IL1RAPL2: variants seen among roughly 807,000 people sequenced by gnomAD.
IL1RAPL2 encodes the protein X-linked interleukin-1 receptor accessory protein-like 2.
A neutral mutation model predicts 44.1 loss-of-function variants in IL1RAPL2; 3 were observed. That is an observed-to-expected ratio of 0.07 (90% CI 0.03 to 0.18). The LOEUF is 0.18. Among genes scored for constraint, IL1RAPL2 ranks in the 10% least tolerant of loss-of-function variants. The pLI is 1.00. For synonymous variants in IL1RAPL2, 181 were observed against 178.8 expected (o/e 1.01, Z -0.10); for missense variants, 391 against 496.4 (o/e 0.79, Z 2.02).
chrX:105,246,296 G>A (rs2034218594), intron 4 of IL1RAPL2, among the ~76,000 whole-genome samples: 2 of 112,110 alleles, frequency 1.8e-5, no homozygotes, highest in Non-Finnish European at 3.8e-5. Flanking sequence ...TATTTTCATG[G>A]TACATAATAG....
At chrX:105,425,793 A>T (rs2147748050) in intron 5 of IL1RAPL2, among the ~76,000 whole-genome samples, 1 of 108,363 alleles carries the variant, frequency 9.2e-6, no homozygotes, top group Admixed American at 9.8e-5. Context: ...TGACACCAAC[A>T]ATTTTCCAGA....
intron 2 of IL1RAPL2, among the ~76,000 whole-genome samples, chrX:104,946,609 C>T (rs1442835316): frequency 4.8e-5 from 4 of 83,247 alleles, no homozygotes; most frequent in Non-Finnish European, 9.0e-5. Flanking sequence ...TGGTCCCCTT[C>T]CTGTGTCCAT....
chrX:105,515,546 T>C (rs988046918), intron 6 of IL1RAPL2, among the ~76,000 whole-genome samples: 1 of 111,259 alleles, frequency 9.0e-6, no homozygotes, highest in Non-Finnish European at 1.9e-5. Flanking sequence ...AGGTCAGGGA[T>C]TGGCAACATA....
At chrX:104,603,655 C>T (rs1928934623) in intron 1 of IL1RAPL2, among the ~76,000 whole-genome samples, 1 of 111,510 alleles carries the variant, frequency 9.0e-6, no homozygotes, top group South Asian at 3.8e-4. Context: ...CTTCGTGAAA[C>T]ATACACAAGC....
intron 6 of IL1RAPL2, among the ~76,000 whole-genome samples, chrX:105,640,810 C>T (rs1029580296): frequency 2.4e-4 from 24 of 100,341 alleles, no homozygotes; most frequent in Non-Finnish European, 4.0e-4. Flanking sequence ...AGAGAGAGAC[C>T]GAGAGAGAGT....
At chrX:104,799,175 A>C (rs1402483957) in intron 2 of IL1RAPL2, among the ~76,000 whole-genome samples, 4 of 110,871 alleles carry the variant, frequency 3.6e-5, no homozygotes, top group African/African-American at 1.3e-4. Context: ...ACCCAGGTCT[A>C]TATGACCTGG....
chrX:104,727,067 C>T (rs1248102600), intron 2 of IL1RAPL2, among the ~76,000 whole-genome samples: 1 of 109,680 alleles, frequency 9.1e-6, no homozygotes, highest in Non-Finnish European at 1.9e-5. Context: ...TGACTAAGAC[C>T]TCAAAAGTAA....
At chrX:105,584,942 T>A in intron 6 of IL1RAPL2, among the ~76,000 whole-genome samples, 1 of 111,290 alleles carries the variant, frequency 9.0e-6, no homozygotes, top group Non-Finnish European at 1.9e-5. Flanking sequence ...TTTACCTTTT[T>A]CAGTCTTTCG....
intron 2 of IL1RAPL2, among the ~76,000 whole-genome samples, chrX:105,108,196 G>T (rs777720050): frequency 8.9e-6 from 1 of 111,893 alleles, no homozygotes; most frequent in East Asian, 2.8e-4. Flanking sequence ...ACATCCTACA[G>T]GTATGTTAAA....
At chrX:104,618,285 T>C (rs750310821) in intron 1 of IL1RAPL2, among the ~76,000 whole-genome samples, 1 of 112,097 alleles carries the variant, frequency 8.9e-6, no homozygotes, top group Non-Finnish European at 1.9e-5. Flanking sequence ...AGGCAATGGG[T>C]TGACTCATGG....
chrX:104,982,934 A>C (rs780221602), intron 2 of IL1RAPL2, among the ~76,000 whole-genome samples: 1 of 110,840 alleles, frequency 9.0e-6, no homozygotes, highest in African/African-American at 3.3e-5. Context: ...TTTTTATTTT[A>C]CATGTGATGC....
At chrX:105,354,628 G>A (rs1053233316) in intron 5 of IL1RAPL2, among the ~76,000 whole-genome samples, 1 of 109,223 alleles carries the variant, frequency 9.2e-6, no homozygotes. Flanking sequence ...TTGTGCACAT[G>A]TACCCTAAAA....
At chrX:105,542,640 C>T (rs1243321160) in intron 6 of IL1RAPL2, among the ~76,000 whole-genome samples, 1 of 108,762 alleles carries the variant, frequency 9.2e-6, no homozygotes, top group Admixed American at 9.8e-5. Flanking sequence ...TCATTTAATC[C>T]TCACAACAAT....
chrX:105,551,052 A>G (rs2036849670), intron 6 of IL1RAPL2, among the ~76,000 whole-genome samples: 1 of 111,148 alleles, frequency 9.0e-6, no homozygotes, highest in Non-Finnish European at 1.9e-5. Flanking sequence ...ATTAAGTGGC[A>G]TGCTGTCCAG....
intron 1 of IL1RAPL2, among the ~76,000 whole-genome samples, chrX:104,629,280 G>A (rs142363266): frequency 9.0e-6 from 1 of 111,571 alleles, no homozygotes; most frequent in Admixed American, 9.5e-5. Flanking sequence ...GATGATTAAT[G>A]GTGTTGAGCA....
intron 2 of IL1RAPL2, among the ~76,000 whole-genome samples, chrX:104,819,957 C>T (rs1042466663): frequency 9.9e-5 from 11 of 110,947 alleles, no homozygotes; most frequent in Admixed American, 2.9e-4. Flanking sequence ...TTTAATCCTG[C>T]AAAATTTCCC....
intron 5 of IL1RAPL2, among the ~76,000 whole-genome samples, chrX:105,443,846 G>A (rs1235329936): frequency 8.0e-5 from 9 of 111,856 alleles, no homozygotes; most frequent in Non-Finnish European, 3.8e-5. Flanking sequence ...CCTTTTTGGG[G>A]GGTATGTACA....
chrX:105,109,876 T>C (rs1220348377), intron 2 of IL1RAPL2, among the ~76,000 whole-genome samples: 2 of 112,009 alleles, frequency 1.8e-5, no homozygotes, highest in African/African-American at 6.5e-5. Context: ...AAACAAGAAA[T>C]AGTAAAGCTT....
chrX:105,377,913 A>G (rs1356056778), intron 5 of IL1RAPL2, among the ~76,000 whole-genome samples: 1 of 111,803 alleles, frequency 8.9e-6, no homozygotes, highest in Non-Finnish European at 1.9e-5. Flanking sequence ...TTTGAAGACT[A>G]TGAAAACGCT....
Sources: gnomAD v4.1 joint callset for allele counts (sites outside exome capture counted in the v4.1 genomes callset) on GRCh38, gnomAD v4.1.1 for gene constraint, MANE v1.5 for transcripts, NCBI Gene and HGNC (gene_info 2026-07-23, HGNC 2026-07-21) for gene names.